The following HS3ST2 variants were observed in gnomAD, a reference collection of about 807,000 sequenced individuals.
The protein encoded by HS3ST2 is heparan sulfate glucosamine 3-O-sulfotransferase 2.
In HS3ST2, 17 loss-of-function variants were observed where a neutral mutation model predicts 26.3. The ratio of observed to expected loss-of-function variants is 0.65; its 90% CI spans 0.44 to 0.97. The LOEUF is 0.97. HS3ST2 is among the 50% of genes least tolerant of loss of function. The probability of loss-of-function intolerance (pLI) is 0.00; values close to 1 mark genes in which losing one functional copy is unlikely to be tolerated. For synonymous variants in HS3ST2, 237 were observed against 219.2 expected (o/e 1.08, Z -0.72); for missense variants, 402 against 501.2 (o/e 0.80, Z 1.89).
intron 1 of HS3ST2, among the ~76,000 whole-genome samples, chr16:22,832,362 G>A (rs990978233): frequency 6.6e-5 from 10 of 151,956 alleles, no homozygotes; most frequent in Non-Finnish European, 1.3e-4. Flanking sequence ...CTCAGCAGCT[G>A]GTGAGCATCC....
At chr16:22,854,400 T>C (rs1465341478) in intron 1 of HS3ST2, among the ~76,000 whole-genome samples, 1 of 152,160 alleles carries the variant, frequency 6.6e-6, no homozygotes, top group African/African-American at 2.4e-5. Flanking sequence ...GAAACACAGG[T>C]TCAGGTTTTT....
At chr16:22,835,268 T>C (rs1253429605) in intron 1 of HS3ST2, among the ~76,000 whole-genome samples, 2 of 151,664 alleles carry the variant, frequency 1.3e-5, no homozygotes, top group Non-Finnish European at 2.9e-5. Context: ...CCCTCTGAGG[T>C]AGAAGTTATA....
Position 22,897,699 on chromosome 16 carries a change from G to C in HS3ST2, c.486-17245G>C, listed in dbSNP as rs371604854. ...TGAGACTCGTAGCCTGGAGTTTACG[G>C]GGACAGGTACTAGAGTCAAAACACT... On this transcript the variant is annotated intron_variant, in intron 1 of 1. Coordinates refer to ENST00000261374, the MANE Select transcript of HS3ST2 (RefSeq NM_006043.2). 4.4e-4 allele frequency among the ~76,000 whole-genome samples: 11 copies of C among 25,058 alleles called. 5 individuals are homozygous for C. In the East Asian group the frequency reaches 0.075, roughly 170 times the overall value. The allele number at this position is 25,058 out of a possible 152,430, so 16.4% of individuals were successfully genotyped here.
chr16:22,915,505 T>C lies in HS3ST2; in HGVS notation c.1047T>C (p.Tyr349=). The change falls in exon 2 of 2, where the codon TAT becomes TAC. Residue 349 remains tyrosine (Y), a synonymous_variant. Transcript: ENST00000261374. ...PEVIDQLREF[Y]RPYNIKFYET... The stretch of plus-strand genomic sequence containing the variant: ...TGATAGACCAGCTCCGAGAATTTTA[T>C]AGACCGTATAATATCAAATTTTATG... The C allele has an allele frequency of 1.9e-6, 3 of 1,614,078 alleles. No individual in the cohort carries two copies. Among genetic ancestry groups the C allele is most frequent in the Non-Finnish European group, 2.5e-6 (3 of 1,180,012 alleles).
intron 1 of HS3ST2, among the ~76,000 whole-genome samples, chr16:22,852,938 A>C (rs906421218): frequency 1.5e-5 from 2 of 137,398 alleles, no homozygotes; most frequent in Non-Finnish European, 3.0e-5. Flanking sequence ...TCGGGTTCTG[A>C]CTAATCTCAC....
chr16:22,850,448 C>A (rs1453806096), intron 1 of HS3ST2, among the ~76,000 whole-genome samples: 1 of 152,178 alleles, frequency 6.6e-6, no homozygotes, highest in South Asian at 2.1e-4. Context: ...TTTATTATTT[C>A]TCATGGTTCC....
intron 1 of HS3ST2, among the ~76,000 whole-genome samples, chr16:22,897,236 A>AT (rs987612341): frequency 9.2e-5 from 14 of 151,800 alleles, no homozygotes; most frequent in South Asian, 2.1e-4. Context: ...AGTTGTAATT[A>AT]TTTTTTTTTA....
Position 22,835,799 on chromosome 16 carries a change from T to C in HS3ST2, c.485+20704T>C, listed in dbSNP as rs181130914. On this transcript the variant is annotated intron_variant, in intron 1 of 1. Coordinates refer to ENST00000261374, the MANE Select transcript of HS3ST2 (RefSeq NM_006043.2). ...AATGATGTGTACTGAATGGTGTTAC[T>C]GAAACAAGTCAGATGTAGCCAAAGC... Among the ~76,000 whole-genome samples, 257 of 152,324 alleles carry C rather than the reference T, an allele frequency of 1.7e-3. 1 individual carries two copies. The highest frequency in any genetic ancestry group is 1.1e-3 in the Non-Finnish European group (75 of 68,038).
chr16:22,854,440 G>C (rs979404758), intron 1 of HS3ST2, among the ~76,000 whole-genome samples: 1 of 151,862 alleles, frequency 6.6e-6, no homozygotes, highest in African/African-American at 2.4e-5. Context: ...CCCTCATATT[G>C]AATATTACTT....
At chr16:22,868,405 CAAAAAAAA>C (rs77630354) in intron 1 of HS3ST2, among the ~76,000 whole-genome samples, 6 of 43,508 alleles carry the variant, frequency 1.4e-4, no homozygotes, top group South Asian at 2.0e-3. Context: ...AAGACTCCAT[CAAAAAAAA>C]AAAAAAAAAA....
At chr16:22,839,204 C>T (rs781422315) in intron 1 of HS3ST2, among the ~76,000 whole-genome samples, 2 of 152,162 alleles carry the variant, frequency 1.3e-5, no homozygotes, top group South Asian at 2.1e-4. Context: ...AAATATTTGT[C>T]GAATGAATGA....
At chr16:22,861,016 G>A (rs189700133) in intron 1 of HS3ST2, among the ~76,000 whole-genome samples, 3 of 151,942 alleles carry the variant, frequency 2.0e-5, no homozygotes, top group African/African-American at 7.2e-5. Flanking sequence ...AGGACTACAG[G>A]CAAGCACCCA....
At chr16:22,874,029 A>G (rs1901875624) in intron 1 of HS3ST2, among the ~76,000 whole-genome samples, 1 of 152,316 alleles carries the variant, frequency 6.6e-6, no homozygotes, top group Non-Finnish European at 1.5e-5. Context: ...AAGTGTCTGC[A>G]TGTGCCATGT....
intron 1 of HS3ST2, among the ~76,000 whole-genome samples, chr16:22,850,093 C>G (rs1901497392): frequency 6.6e-6 from 1 of 152,124 alleles, no homozygotes. Flanking sequence ...AAAAAACATT[C>G]ATTGTTTATC....
intron 1 of HS3ST2, among the ~76,000 whole-genome samples, chr16:22,817,125 T>A (rs58029692): frequency 0.056 from 8,556 of 152,246 alleles, 761 homozygotes; most frequent in African/African-American, 0.19. Context: ...TTATTTATTT[T>A]TTTTTAGCAC....
chr16:22,896,591 G>C (rs139130743), intron 1 of HS3ST2, among the ~76,000 whole-genome samples: 1 of 152,136 alleles, frequency 6.6e-6, no homozygotes, highest in Non-Finnish European at 1.5e-5. Context: ...TTTTAGAAGC[G>C]TAAGATCAGG....
At chr16:22,900,845 G>A (rs941830720) in intron 1 of HS3ST2, among the ~76,000 whole-genome samples, 1 of 152,148 alleles carries the variant, frequency 6.6e-6, no homozygotes, top group African/African-American at 2.4e-5. Context: ...AAGACGATGG[G>A]GTGGGAGGAG....
chr16:22,910,592 A>AT (rs1237168633), intron 1 of HS3ST2, among the ~76,000 whole-genome samples: 2 of 152,182 alleles, frequency 1.3e-5, no homozygotes, highest in Non-Finnish European at 2.9e-5. Flanking sequence ...GTTCTACTCA[A>AT]TTTTTTAAAA....
chr16:22,871,341 C>G (rs35632830), intron 1 of HS3ST2, among the ~76,000 whole-genome samples: 24 of 138,050 alleles, frequency 1.7e-4, no homozygotes, highest in Admixed American at 5.3e-4. Flanking sequence ...GGCGACAGAG[C>G]GACACTCTGT....
Sources: allele counts gnomAD v4.1 joint callset (sites outside exome capture counted in the v4.1 genomes callset), GRCh38; gene constraint gnomAD v4.1.1; transcripts MANE v1.5; gene names NCBI Gene and HGNC (gene_info 2026-07-23, HGNC 2026-07-21).